The following FAM107B variants were observed in gnomAD, a reference collection of about 807,000 sequenced individuals.
The protein encoded by FAM107B is protein FAM107B.
Under a neutral mutation model 31.5 loss-of-function variants are expected in FAM107B, and 21 were observed. That is an observed-to-expected ratio of 0.67 (90% CI 0.47 to 0.96). The LOEUF is 0.96. Among genes scored for constraint, FAM107B ranks in the 40% least tolerant of loss-of-function variants. The probability of loss-of-function intolerance (pLI) is 0.00; values close to 1 mark genes in which losing one functional copy is unlikely to be tolerated. For synonymous variants in FAM107B, 157 were observed against 141.5 expected (o/e 1.11, Z -0.78); for missense variants, 452 against 377.1 (o/e 1.20, Z -1.64).
chr10:14,608,251 G>A (rs1019676151), intron 2 of FAM107B, among the ~76,000 whole-genome samples: 2 of 152,164 alleles, frequency 1.3e-5, no homozygotes, highest in Non-Finnish European at 2.9e-5. Context: ...CACTGTGTAC[G>A]TGGACATTTG....
chr10:14,544,925 C>A (rs1848557342), intron 2 of FAM107B, among the ~76,000 whole-genome samples: 1 of 152,132 alleles, frequency 6.6e-6, no homozygotes, highest in Admixed American at 6.5e-5. Flanking sequence ...TCTGTGTGTA[C>A]AAATGCACAG....
chr10:14,763,691 C>T (rs980016253), intron 1 of FAM107B, among the ~76,000 whole-genome samples: 95 of 152,118 alleles, frequency 6.2e-4, no homozygotes, highest in African/African-American at 2.0e-3. Context: ...CTGGGAGATC[C>T]ATCACCTCCC....
intron 1 of FAM107B, among the ~76,000 whole-genome samples, chr10:14,678,310 C>T (rs181331565): frequency 1.5e-4 from 23 of 152,256 alleles, no homozygotes; most frequent in Non-Finnish European, 2.5e-4. Flanking sequence ...CTTTCTTCCT[C>T]GGTGGGATGG....
chr10:14,642,999 CA>C (rs1853666389), intron 2 of FAM107B, among the ~76,000 whole-genome samples: 1 of 152,150 alleles, frequency 6.6e-6, no homozygotes, highest in Non-Finnish European at 1.5e-5. Context: ...TACCCAATTC[CA>C]AAGCCATTTC....
chr10:14,718,600 C>T (rs1187723283), intron 1 of FAM107B, among the ~76,000 whole-genome samples: 1 of 151,992 alleles, frequency 6.6e-6, no homozygotes, highest in Non-Finnish European at 1.5e-5. Context: ...GAGTCAATAA[C>T]AGCATGAGTT....
At chr10:14,597,464 A>T (rs1852225526) in intron 2 of FAM107B, among the ~76,000 whole-genome samples, 1 of 152,242 alleles carries the variant, frequency 6.6e-6, no homozygotes. Context: ...CACTTTAGGA[A>T]CAATGCCAAA....
chr10:14,571,887 A>C (rs1009498746), intron 2 of FAM107B: 1 of 985,324 alleles, frequency 1.0e-6, no homozygotes, highest in Non-Finnish European at 1.2e-6. Context: ...ATCAAGGCCT[A>C]AGTGACGAAC....
chr10:14,612,256 T>A (rs1852744153), intron 2 of FAM107B, among the ~76,000 whole-genome samples: 1 of 152,266 alleles, frequency 6.6e-6, no homozygotes, highest in South Asian at 2.1e-4. Flanking sequence ...CATTCTTCTA[T>A]TTGTTCCACC....
chr10:14,565,841 T>C (rs933880497), intron 2 of FAM107B, among the ~76,000 whole-genome samples: 3 of 152,000 alleles, frequency 2.0e-5, no homozygotes, highest in Admixed American at 6.6e-5. Context: ...TCTCAGGCGC[T>C]CAGAGGGCAG....
intron 3 of FAM107B, among the ~76,000 whole-genome samples, chr10:14,526,975 C>T (rs1846315576): frequency 6.6e-6 from 1 of 151,926 alleles, no homozygotes; most frequent in Non-Finnish European, 1.5e-5. Context: ...GTAGCTGGGA[C>T]TACAGGTGCC....
intron 1 of FAM107B, among the ~76,000 whole-genome samples, chr10:14,735,249 C>T (rs1208324790): frequency 2.0e-5 from 3 of 152,182 alleles, no homozygotes; most frequent in African/African-American, 7.2e-5. Flanking sequence ...CAGCCCAACA[C>T]AAATTCATAA....
intron 2 of FAM107B, among the ~76,000 whole-genome samples, chr10:14,654,547 G>A (rs747136397): frequency 2.6e-5 from 4 of 152,034 alleles, no homozygotes; most frequent in Non-Finnish European, 4.4e-5. Context: ...AGCTAGTTTC[G>A]TTTAAGACTC....
At chr10:14,716,512 A>C (rs895044662) in intron 1 of FAM107B, among the ~76,000 whole-genome samples, 1 of 152,232 alleles carries the variant, frequency 6.6e-6, no homozygotes, top group Non-Finnish European at 1.5e-5. Flanking sequence ...CATGCTTTTC[A>C]GAAGTAACAC....
intron 2 of FAM107B, among the ~76,000 whole-genome samples, chr10:14,614,881 A>G (rs1852812215): frequency 6.6e-6 from 1 of 152,090 alleles, no homozygotes; most frequent in Admixed American, 6.6e-5. Context: ...CTCGGGGAGC[A>G]GCAGGGGTGA....
At chr10:14,548,317 G>A (rs1848906810) in intron 2 of FAM107B, 3 of 596,440 alleles carry the variant, frequency 5.0e-6, no homozygotes, top group Admixed American at 6.3e-5. Flanking sequence ...GGTCCAGGGG[G>A]AGGCACAGGG....
intron 3 of FAM107B, 148 bp downstream of exon 3, chr10:14,530,184 G>T (rs1846801120): frequency 5.5e-6 from 5 of 901,418 alleles, no homozygotes; most frequent in Non-Finnish European, 8.2e-6. Context: ...GGGTAACCCG[G>T]TTCTAGGATG....
chr10:14,684,644 A>G (rs1399612422), intron 1 of FAM107B, among the ~76,000 whole-genome samples: 4 of 152,170 alleles, frequency 2.6e-5, no homozygotes, highest in Non-Finnish European at 4.4e-5. Context: ...CCGTAAATAC[A>G]TTGTGAATGA....
At chr10:14,554,315 GA>G (rs2131100834) in intron 2 of FAM107B, 1 of 197,388 alleles carries the variant, frequency 5.1e-6, no homozygotes, top group Non-Finnish European at 9.1e-6. Flanking sequence ...TTTACTAAAG[GA>G]AGGGAGGTGA....
intron 2 of FAM107B, among the ~76,000 whole-genome samples, chr10:14,561,867 C>T (rs1366326190): frequency 6.6e-6 from 1 of 152,200 alleles, no homozygotes; most frequent in Non-Finnish European, 1.5e-5. Context: ...TTACTGCAAC[C>T]TCCGCCTCCA....
Sources: allele counts gnomAD v4.1 joint callset (sites outside exome capture counted in the v4.1 genomes callset), GRCh38; gene constraint gnomAD v4.1.1; transcripts MANE v1.5; gene names NCBI Gene and HGNC (gene_info 2026-07-23, HGNC 2026-07-21).